The following MYO3B variants were observed in gnomAD, a reference collection of about 807,000 sequenced individuals.
MYO3B encodes myosin-IIIb.
In MYO3B, 156 loss-of-function variants were observed where a neutral mutation model predicts 174.6. The ratio of observed to expected loss-of-function variants is 0.89; its 90% CI spans 0.78 to 1.02. The LOEUF is 1.02. Among genes scored for constraint, MYO3B ranks in the 50% least tolerant of loss-of-function variants. The pLI is 0.00. For synonymous variants in MYO3B, 563 were observed against 569.1 expected (o/e 0.99, Z 0.15); for missense variants, 1,632 against 1,639.4 (o/e 1.00, Z 0.08).
intron 32 of MYO3B, among the ~76,000 whole-genome samples, chr2:170,583,738 A>G (rs925994462): frequency 1.8e-4 from 27 of 152,148 alleles, no homozygotes; most frequent in African/African-American, 6.5e-4. Context: ...TCTAGTATCT[A>G]AAAGGTACTC....
At chr2:170,320,871 G>A (rs1037317266) in intron 7 of MYO3B, among the ~76,000 whole-genome samples, 19 of 152,058 alleles carry the variant, frequency 1.2e-4, no homozygotes, top group Admixed American at 1.1e-3. Flanking sequence ...TAACAGGTCA[G>A]GTGAAAAAAA....
chr2:170,335,540 A>G, intron 8 of MYO3B, 90 bp downstream of exon 8: 1 of 1,004,548 alleles, frequency 1.0e-6, no homozygotes, highest in Non-Finnish European at 1.5e-6. Flanking sequence ...ACTTGACACT[A>G]GAGGTTGTTA....
At chr2:170,346,490 A>T (rs1216415463) in intron 8 of MYO3B, 1 of 152,188 alleles carries the variant, frequency 6.6e-6, no homozygotes, top group Non-Finnish European at 1.5e-5. Context: ...ATATGACACC[A>T]TAAAACAATC....
chr2:170,518,835 A>G (rs1399051312), intron 29 of MYO3B, among the ~76,000 whole-genome samples: 1 of 152,226 alleles, frequency 6.6e-6, no homozygotes, highest in East Asian at 1.9e-4. Context: ...GTTAAGAAGG[A>G]ACTTCAGGTT....
chr2:170,632,835 A>G (rs1697127759), intron 32 of MYO3B, among the ~76,000 whole-genome samples: 2 of 122,784 alleles, frequency 1.6e-5, no homozygotes, highest in Non-Finnish European at 3.6e-5. Flanking sequence ...ACAAACTACC[A>G]TCAGAGAATA....
intron 32 of MYO3B, among the ~76,000 whole-genome samples, chr2:170,574,667 C>T (rs1692677692): frequency 6.6e-6 from 1 of 152,086 alleles, no homozygotes; most frequent in Non-Finnish European, 1.5e-5. Flanking sequence ...GTTGTTTTTC[C>T]CCCCTCAGGG....
intron 25 of MYO3B, among the ~76,000 whole-genome samples, chr2:170,490,028 C>CTTTTTTTTT (rs751661221): frequency 6.9e-6 from 1 of 145,890 alleles, no homozygotes; most frequent in African/African-American, 2.6e-5. Flanking sequence ...AGTTTCTTTT[C>CTTTTTTTTT]TTTCTTTTTT....
intron 25 of MYO3B, among the ~76,000 whole-genome samples, chr2:170,483,301 C>T (rs946467180): frequency 6.7e-6 from 1 of 149,424 alleles, no homozygotes; most frequent in Non-Finnish European, 1.5e-5. Flanking sequence ...TAAATAATAT[C>T]TGGACATTTG....
At chr2:170,401,792 C>CT (rs1558964945) in intron 18 of MYO3B, 101 bp downstream of exon 18, 2 of 802,936 alleles carry the variant, frequency 2.5e-6, no homozygotes, top group Admixed American at 3.2e-5. Context: ...CTGGGATTTT[C>CT]TTTCTTTTTC....
chr2:170,490,748 A>T (rs6433205), intron 25 of MYO3B, among the ~76,000 whole-genome samples: 98,261 of 151,960 alleles, frequency 0.65, 33,256 homozygotes, highest in African/African-American at 0.86. Flanking sequence ...TTAATTTTTT[A>T]AATTTTTAAT....
intron 31 of MYO3B, 53 bp downstream of exon 31, chr2:170,543,019 T>C: frequency 1.4e-6 from 2 of 1,437,380 alleles, no homozygotes; most frequent in Non-Finnish European, 1.9e-6. Flanking sequence ...TTCAGACTCA[T>C]CCAAGTTCAT....
At chr2:170,555,017 T>C (rs1434971888) in intron 32 of MYO3B, among the ~76,000 whole-genome samples, 1 of 151,798 alleles carries the variant, frequency 6.6e-6, no homozygotes, top group Admixed American at 6.6e-5. Context: ...TACAATTGTT[T>C]AATGGTAGGG....
chr2:170,491,595 T>C (rs1686482436), intron 25 of MYO3B, among the ~76,000 whole-genome samples: 1 of 152,192 alleles, frequency 6.6e-6, no homozygotes, highest in African/African-American at 2.4e-5. Context: ...CCGGCTAATT[T>C]TTTGTATTTT....
At chr2:170,618,612 T>C (rs1646884978) in intron 32 of MYO3B, among the ~76,000 whole-genome samples, 1 of 152,092 alleles carries the variant, frequency 6.6e-6, no homozygotes, top group Admixed American at 6.6e-5. Context: ...TGGGAAATAA[T>C]AGACACACAC....
chr2:170,607,007 C>T (rs578176923), intron 32 of MYO3B, among the ~76,000 whole-genome samples: 2 of 151,874 alleles, frequency 1.3e-5, no homozygotes, highest in South Asian at 2.1e-4. Context: ...GCAAAAAAAG[C>T]GAAACTCCGT....
At chr2:170,477,594 CAG>C (rs990101298) in intron 25 of MYO3B, among the ~76,000 whole-genome samples, 4 of 151,626 alleles carry the variant, frequency 2.6e-5, no homozygotes, top group African/African-American at 9.7e-5. Flanking sequence ...TGGCTTAAGC[CAG>C]AGTTTCTCAA....
chr2:170,651,973 C>G (rs937580100), intron 33 of MYO3B, 135 bp from the exon 34 acceptor site: 1 of 878,324 alleles, frequency 1.1e-6, no homozygotes, highest in African/African-American at 4.6e-5. Flanking sequence ...CACTTGAGCC[C>G]TTTGATCAAA....
chr2:170,356,991 C>T (rs571641233), intron 8 of MYO3B, among the ~76,000 whole-genome samples: 3 of 152,182 alleles, frequency 2.0e-5, no homozygotes, highest in Non-Finnish European at 2.9e-5. Context: ...CTGTGTGGCT[C>T]AGGCTTGTCT....
chr2:170,419,640 A>C (rs1473366568), intron 22 of MYO3B, among the ~76,000 whole-genome samples: 1 of 152,116 alleles, frequency 6.6e-6, no homozygotes, highest in Non-Finnish European at 1.5e-5. Flanking sequence ...GCATGTGGGG[A>C]CTACCACCTT....
Sources: allele counts gnomAD v4.1 joint callset (sites outside exome capture counted in the v4.1 genomes callset), GRCh38; gene constraint gnomAD v4.1.1; transcripts MANE v1.5; gene names NCBI Gene and HGNC (gene_info 2026-07-23, HGNC 2026-07-21).